USP30: variants seen among roughly 807,000 people sequenced by gnomAD.
USP30 encodes the protein ubiquitin specific peptidase 30.
In USP30, 41 loss-of-function variants were observed where a neutral mutation model predicts 68.2. The ratio of observed to expected loss-of-function variants is 0.60; its 90% CI spans 0.47 to 0.78. USP30 has a LOEUF of 0.78. Among genes scored for constraint, USP30 ranks in the 30% least tolerant of loss-of-function variants. The pLI is 0.00. For synonymous variants in USP30, 229 were observed against 253.7 expected (o/e 0.90, Z 0.93); for missense variants, 522 against 649.4 (o/e 0.80, Z 2.13).
At position 109,086,755 on chromosome 12, in the gene USP30, T is replaced by C. The variant is rs2041956243; in HGVS notation, c.*824T>C. Reference sequence around the variant, plus strand: ...AACTTTTTCTTACACAAGGATCCACTGTGGACGGTTACTTTCATCTGTTTA... The same window carrying C: ...AACTTTTTCTTACACAAGGATCCACCGTGGACGGTTACTTTCATCTGTTTA... On this transcript the variant is annotated 3_prime_UTR_variant, in exon 13 of 13. Transcript: ENST00000257548. 1 of 152,292 alleles carries C rather than the reference T, an allele frequency of 6.6e-6. No individual in the cohort carries two copies. The highest frequency in any genetic ancestry group is 2.1e-4 in the South Asian group (1 of 4,834). 9.4% of individuals were successfully genotyped at this position (152,292 alleles called of 1,614,324 possible).
chr12:109,072,490 T>C, intron 6 of USP30, 140 bp downstream of exon 6: 1 of 795,128 alleles, frequency 1.3e-6, no homozygotes. Context: ...GGAACTTGTA[T>C]TTTGGAAATA....
At chr12:109,028,076 T>C (rs905621293) in intron 3 of USP30, among the ~76,000 whole-genome samples, 4 of 152,184 alleles carry the variant, frequency 2.6e-5, no homozygotes, top group Non-Finnish European at 5.9e-5. Flanking sequence ...GCCATCCCAG[T>C]GGGTGTGGAG....
At chr12:109,072,399 A>C (rs1171450152) in intron 6 of USP30, 49 bp downstream of exon 6, 1 of 1,565,594 alleles carries the variant, frequency 6.4e-7, no homozygotes, top group Non-Finnish European at 8.8e-7. Context: ...GACTTTTAAG[A>C]TATGATAATA....
At chr12:109,084,842 A>C in intron 11 of USP30, 111 bp from the exon 12 acceptor site, 2 of 1,249,846 alleles carry the variant, frequency 1.6e-6, no homozygotes, top group Non-Finnish European at 1.1e-6. Flanking sequence ...AATGAAATAG[A>C]TTTTTTTCTT....
chr12:109,049,356 T>C (rs1030670853), upstream of USP30, among the ~76,000 whole-genome samples: 1 of 151,366 alleles, frequency 6.6e-6, no homozygotes, highest in Non-Finnish European at 1.5e-5. Context: ...CTGAGAAGAG[T>C]GAGAGAGAGG....
chr12:109,046,393 G>A (rs1002611276), intron 3 of USP30, among the ~76,000 whole-genome samples: 12 of 150,322 alleles, frequency 8.0e-5, no homozygotes, highest in Middle Eastern at 7.0e-3. Flanking sequence ...GATTACGGGC[G>A]TGAGCCATTG....
intron 3 of USP30, among the ~76,000 whole-genome samples, chr12:109,028,548 G>A (rs1324030823): frequency 1.3e-5 from 2 of 152,018 alleles, no homozygotes; most frequent in Non-Finnish European, 2.9e-5. Flanking sequence ...TGTGGTCTCA[G>A]CTCACTGCAA....
At position 109,066,541 on chromosome 12, in the gene USP30, G is replaced by A. The variant is rs566065679; in HGVS notation, c.377-983G>A. ...TCTACTAAAAATACAAAAATTAGTCGGGCATGGTAGCGCATGCCTTGTAAT... is the reference window on the plus strand; with the variant it reads ...TCTACTAAAAATACAAAAATTAGTCAGGCATGGTAGCGCATGCCTTGTAAT... On this transcript the variant is annotated intron_variant, in intron 3 of 12. Transcript: ENST00000257548. Among the ~76,000 whole-genome samples the A allele has an allele frequency of 4.4e-3, 669 of 152,156 alleles. 6 individuals carry two copies. The highest frequency in any genetic ancestry group is 7.5e-3 in the Non-Finnish European group (513 of 68,004).
chr12:109,043,820 T>C (rs1466951564), intron 3 of USP30, among the ~76,000 whole-genome samples: 1 of 152,146 alleles, frequency 6.6e-6, no homozygotes, highest in Non-Finnish European at 1.5e-5. Context: ...CTTTGAAAAA[T>C]TTTATATCTG....
intron 1 of USP30, among the ~76,000 whole-genome samples, chr12:109,055,674 G>A (rs1459938145): frequency 6.7e-6 from 1 of 150,316 alleles, no homozygotes; most frequent in Non-Finnish European, 1.5e-5. Context: ...TGGGATTACA[G>A]GCATGAGCCA....
At chr12:109,038,452 A>T (rs908589238) in intron 3 of USP30, among the ~76,000 whole-genome samples, 4 of 152,148 alleles carry the variant, frequency 2.6e-5, no homozygotes, top group Admixed American at 2.6e-4. Context: ...TGTAAATAGC[A>T]CACATTTTCC....
chr12:109,051,966 A>G (rs1007044073), upstream of USP30, among the ~76,000 whole-genome samples: 1 of 152,230 alleles, frequency 6.6e-6, no homozygotes, highest in African/African-American at 2.4e-5. Context: ...TTCTGGAGAC[A>G]GACAGACCGA....
intron 2 of USP30, among the ~76,000 whole-genome samples, chr12:109,057,166 A>G (rs901963662): frequency 1.3e-5 from 2 of 151,952 alleles, no homozygotes; most frequent in Non-Finnish European, 2.9e-5. Flanking sequence ...AAAAATTTCA[A>G]GTTAGTGCCT....
chr12:109,074,491 G>A (rs557116870), intron 7 of USP30, among the ~76,000 whole-genome samples: 53 of 152,030 alleles, frequency 3.5e-4, no homozygotes, highest in Non-Finnish European at 5.9e-4. Context: ...CATTCCCACC[G>A]GCAGTGTATG....
At position 109,086,053 on chromosome 12, in the gene USP30, T is replaced by C. The variant is rs2041940788; in HGVS notation, c.*122T>C. ...AGCCTTCCAGCCTTCTGGTGTGTTC[T>C]AAGAGCAGGCTCCACCTGGGAGCCA... On this transcript the variant is annotated 3_prime_UTR_variant, in exon 13 of 13. Transcript: ENST00000257548. 8.5e-6 allele frequency: 12 copies of C among 1,409,630 alleles called. No individual in the cohort carries two copies. Among genetic ancestry groups the C allele is most frequent in the South Asian group, 1.5e-5 (1 of 68,010 alleles). The allele number at this position is 1,409,630 out of a possible 1,614,324, so 87.3% of individuals were successfully genotyped here. A position where few individuals can be genotyped will look rare whatever the true frequency, so the allele number is the denominator to read the frequency against.
chr12:109,073,600 C>T, intron 7 of USP30, 68 bp downstream of exon 7: 1 of 1,387,532 alleles, frequency 7.2e-7, no homozygotes, highest in Admixed American at 1.7e-5. Flanking sequence ...CTTGAAAGGA[C>T]CTAGAGAGTG....
In USP30 at chr12:109,082,716, T is replaced by G. The variant is rs1278376107; in HGVS notation, c.921T>G (p.Thr307=). 3.7e-6 allele frequency: 6 copies of G among 1,614,088 alleles called. No individual in the cohort carries two copies. The highest frequency in any genetic ancestry group is 5.1e-6 in the Non-Finnish European group (6 of 1,180,028). ...AAAAGGTGGAACACCAGAGGACCACTTTTGTTAAACAGTTAAAACTAGGGA... is the reference window on the plus strand; with the variant it reads ...AAAAGGTGGAACACCAGAGGACCACGTTTGTTAAACAGTTAAAACTAGGGA... ...NGEKVEHQRT[T]FVKQLKLGKL... is the part of the protein sequence containing the mutation. Residue 307 remains threonine (T), a synonymous_variant, in exon 10 of 13, where the codon ACT becomes ACG. Transcript: ENST00000257548.
chr12:109,029,856 G>A (rs1471758175), intron 3 of USP30, among the ~76,000 whole-genome samples: 4 of 152,052 alleles, frequency 2.6e-5, no homozygotes, highest in Non-Finnish European at 5.9e-5. Context: ...AGAAGGTAGG[G>A]TGAGAGGGGC....
intron 9 of USP30, among the ~76,000 whole-genome samples, 190 bp downstream of exon 9, chr12:109,082,209 C>T (rs76360645): frequency 2.5e-3 from 381 of 152,318 alleles, no homozygotes; most frequent in African/African-American, 8.8e-3. Context: ...AGTTTTGTTT[C>T]ATGCACAGTG....
Sources: allele counts gnomAD v4.1 joint callset (sites outside exome capture counted in the v4.1 genomes callset), GRCh38; gene constraint gnomAD v4.1.1; transcripts MANE v1.5; gene names NCBI Gene and HGNC (gene_info 2026-07-23, HGNC 2026-07-21).